SMOC2: variants seen among roughly 807,000 people sequenced by gnomAD.
The protein encoded by SMOC2 is SPARC related modular calcium binding 2, also known as SPARC-related modular calcium-binding protein 2.
SMOC2 carries 39 observed loss-of-function variants against 61.4 expected under a neutral mutation model. That is an observed-to-expected ratio of 0.64 (90% CI 0.49 to 0.83). The LOEUF (loss-of-function observed/expected upper bound fraction) is 0.83. SMOC2 is among the 40% of genes least tolerant of loss of function. SMOC2 has a pLI of 0.00. For synonymous variants in SMOC2, 247 were observed against 239.9 expected (o/e 1.03, Z -0.27); for missense variants, 556 against 592.9 (o/e 0.94, Z 0.65).
At chr6:168,537,591 G>A (rs73258951) in intron 4 of SMOC2, among the ~76,000 whole-genome samples, 1,623 of 152,354 alleles carry the variant, frequency 0.011, 34 homozygotes, top group African/African-American at 0.037. Context: ...TAAGAAGCAC[G>A]TTCTGTTCTT....
intron 9 of SMOC2, among the ~76,000 whole-genome samples, chr6:168,645,772 C>A (rs1012353975): frequency 6.6e-6 from 1 of 152,142 alleles, no homozygotes; most frequent in African/African-American, 2.4e-5. Flanking sequence ...CAATGGGAGA[C>A]GAGGACAGTC....
At chr6:168,614,283 A>G (rs1362201692) in intron 9 of SMOC2, among the ~76,000 whole-genome samples, 1 of 57,000 alleles carries the variant, frequency 1.8e-5, no homozygotes, top group South Asian at 1.0e-3. Flanking sequence ...ACCTACAGCC[A>G]GCACAGGGCC....
rs1380554078 is a variant in SMOC2, at chr6:168,544,278, A to G, written c.511+606A>G. Among the ~76,000 whole-genome samples, 1 of 152,098 alleles carries G rather than the reference A, an allele frequency of 6.6e-6. No homozygotes were observed. The highest frequency in any genetic ancestry group is 1.5e-5 in the Non-Finnish European group (1 of 68,024). Reference sequence around the variant, plus strand: ...CCAACACCCTTCAGTACCAGGACACATTTCTGCTTTTCTCTTACATCAGCC... The same window carrying G: ...CCAACACCCTTCAGTACCAGGACACGTTTCTGCTTTTCTCTTACATCAGCC... On this transcript the variant is annotated intron_variant, in intron 5 of 12. Transcript: ENST00000356284. This position sits in a 1 kb window ranked among gnomAD's most constrained non-coding sequence, Gnocchi z 4.1.
At chr6:168,634,277 T>C (rs1158022087) in intron 9 of SMOC2, among the ~76,000 whole-genome samples, 2 of 152,190 alleles carry the variant, frequency 1.3e-5, no homozygotes, top group Non-Finnish European at 2.9e-5. Context: ...AAAAGAATGA[T>C]ACTAAGTCCT....
intron 9 of SMOC2, among the ~76,000 whole-genome samples, chr6:168,616,202 C>A (rs1786088286): frequency 6.6e-6 from 1 of 152,220 alleles, no homozygotes; most frequent in Non-Finnish European, 1.5e-5. Context: ...AGACACGAGT[C>A]TTCTAAATTT....
chr6:168,563,120 G>A (rs554884186), intron 7 of SMOC2, among the ~76,000 whole-genome samples: 1 of 152,336 alleles, frequency 6.6e-6, no homozygotes, highest in East Asian at 1.9e-4. Flanking sequence ...AGCCTCTGCT[G>A]CCATTTTAGG....
intron 9 of SMOC2, among the ~76,000 whole-genome samples, chr6:168,636,301 G>C (rs557066052): frequency 6.6e-6 from 1 of 152,330 alleles, no homozygotes; most frequent in African/African-American, 2.4e-5. Flanking sequence ...AGTGCACTAA[G>C]AACAACATAG....
Position 168,598,334 on chromosome 6 carries a change from G to C in SMOC2, c.638-484G>C, listed in dbSNP as rs146833386. ...GAACCGCATGTTGAGAATGAGGAGA[G>C]AGGGGTCACACAGGGAGCCTCGGAG... On this transcript the variant is annotated intron_variant, in intron 7 of 12. Transcript: ENST00000356284. Among the ~76,000 whole-genome samples the C allele has an allele frequency of 4.2e-3, 640 of 152,338 alleles. 2 individuals carry two copies. Among genetic ancestry groups the C allele is most frequent in the African/African-American group, 0.014 (598 of 41,584 alleles).
intron 7 of SMOC2, among the ~76,000 whole-genome samples, chr6:168,555,131 C>T (rs922806414): frequency 6.6e-6 from 1 of 152,250 alleles, no homozygotes; most frequent in East Asian, 1.9e-4. Flanking sequence ...CTCCCGGCTC[C>T]TCTCGGCCTC....
intron 9 of SMOC2, among the ~76,000 whole-genome samples, chr6:168,630,109 CAG>C (rs1786528343): frequency 6.6e-6 from 1 of 152,112 alleles, no homozygotes; most frequent in South Asian, 2.1e-4. Flanking sequence ...ATCTCCAACT[CAG>C]GGTGCCACAC....
At chr6:168,585,112 C>T (rs932628572) in intron 7 of SMOC2, among the ~76,000 whole-genome samples, 1 of 152,172 alleles carries the variant, frequency 6.6e-6, no homozygotes, top group African/African-American at 2.4e-5. Context: ...AGGGCGCCAC[C>T]ACACACAGTG....
chr6:168,526,633 G>C (rs1191300432), intron 3 of SMOC2, among the ~76,000 whole-genome samples, 181 bp downstream of exon 3: 1 of 152,158 alleles, frequency 6.6e-6, no homozygotes, highest in Non-Finnish European at 1.5e-5. Flanking sequence ...GGCATAAATA[G>C]ACACATAAAT....
chr6:168,542,434 G>T (rs965138271), intron 4 of SMOC2, among the ~76,000 whole-genome samples: 4 of 152,192 alleles, frequency 2.6e-5, no homozygotes, highest in African/African-American at 9.7e-5. Flanking sequence ...ATCCCCTGGG[G>T]ACACTAAATT....
intron 7 of SMOC2, among the ~76,000 whole-genome samples, chr6:168,563,262 C>T (rs1562350257): frequency 6.6e-6 from 1 of 151,594 alleles, no homozygotes; most frequent in Admixed American, 6.6e-5. Context: ...TACACAATAT[C>T]GATGTATGTA....
At chr6:168,649,655 G>T (rs910795864) in intron 9 of SMOC2, among the ~76,000 whole-genome samples, 1 of 152,162 alleles carries the variant, frequency 6.6e-6, no homozygotes, top group Non-Finnish European at 1.5e-5. Context: ...GGCAAATTTT[G>T]CTCCCTGCTT....
rs56346133 is a variant in SMOC2 at position 168,511,814 on chromosome 6, G to GT, written c.256+1743dup. ...AAATGGCTATTCATTATCAAGGGTT[G>GT]TTTTTTTTTTTTTTTCTGAAATTAC... is the stretch of plus-strand genomic sequence containing the variant. On this transcript the variant is annotated intron_variant, in intron 2 of 12. Coordinates refer to ENST00000356284, the MANE Select transcript of SMOC2 (RefSeq NM_001166412.2). Among the ~76,000 whole-genome samples, 192 of 142,824 alleles carry GT rather than the reference G, an allele frequency of 1.3e-3. 1 individual carries two copies. Among genetic ancestry groups the GT allele is most frequent in the African/African-American group, 4.4e-3 (171 of 38,584 alleles). The allele number at this position is 142,824 out of a possible 152,430, so 93.7% of individuals were successfully genotyped here.
At chr6:168,530,197 C>A (rs74623691) in intron 4 of SMOC2, among the ~76,000 whole-genome samples, 1 of 152,084 alleles carries the variant, frequency 6.6e-6, no homozygotes, top group South Asian at 2.1e-4. Context: ...TACATGCAAA[C>A]GTAACTTGAG....
chr6:168,566,257 C>A (rs887696422), intron 7 of SMOC2, among the ~76,000 whole-genome samples: 3 of 152,058 alleles, frequency 2.0e-5, no homozygotes, highest in African/African-American at 7.2e-5. Flanking sequence ...TGTTTATACA[C>A]CACTGCACAA....
At chr6:168,582,910 A>G (rs1287684859) in intron 7 of SMOC2, among the ~76,000 whole-genome samples, 2 of 151,946 alleles carry the variant, frequency 1.3e-5, no homozygotes, top group Admixed American at 6.6e-5. Context: ...CTCTTTCCAC[A>G]TGGACACTGT....
Sources: gnomAD v4.1 joint callset for allele counts (sites outside exome capture counted in the v4.1 genomes callset) on GRCh38, gnomAD v4.1.1 for gene constraint, Gnocchi (gnomAD v3.1) non-coding constraint, MANE v1.5 for transcripts, NCBI Gene and HGNC (gene_info 2026-07-23, HGNC 2026-07-21) for gene names.